Variants in IL1RAPL2 observed in about 807,000 individuals in gnomAD.
The protein encoded by IL1RAPL2 is X-linked interleukin-1 receptor accessory protein-like 2.
Under a neutral mutation model 44.1 loss-of-function variants are expected in IL1RAPL2, and 3 were observed. That is an observed-to-expected ratio of 0.07 (90% CI 0.03 to 0.18). The LOEUF is 0.18. Ranked by LOEUF, IL1RAPL2 falls within the 10% of genes least tolerant of loss-of-function variation. The pLI, the probability that IL1RAPL2 is intolerant of heterozygous loss-of-function variation, is 1.00. For missense variants in IL1RAPL2, 391 were observed against 496.4 expected, an observed-to-expected ratio of 0.79 and a Z score of 2.02; for synonymous variants, 181 against 178.8, an observed-to-expected ratio of 1.01 and a Z score of -0.10.
chrX:105,142,896 C>G (rs138902175), intron 2 of IL1RAPL2, among the ~76,000 whole-genome samples: 1 of 109,831 alleles, frequency 9.1e-6, no homozygotes, highest in Non-Finnish European at 1.9e-5. Flanking sequence ...TTTGTCCTTG[C>G]GATAGTTTGC....
intron 2 of IL1RAPL2, among the ~76,000 whole-genome samples, chrX:105,194,635 A>C (rs2033659279): frequency 9.0e-6 from 1 of 111,531 alleles, no homozygotes; most frequent in Non-Finnish European, 1.9e-5. Flanking sequence ...TCGGCAGCTA[A>C]GCAGAAAGGG....
intron 2 of IL1RAPL2, among the ~76,000 whole-genome samples, chrX:104,895,221 A>G (rs1210256255): frequency 9.0e-6 from 1 of 111,693 alleles, no homozygotes; most frequent in Non-Finnish European, 1.9e-5. Flanking sequence ...CAGTTAGACT[A>G]CTCGGGGGTC....
intron 2 of IL1RAPL2, among the ~76,000 whole-genome samples, chrX:104,944,441 C>T (rs1193765852): frequency 2.7e-5 from 3 of 111,958 alleles, no homozygotes; most frequent in African/African-American, 9.7e-5. Flanking sequence ...AGATCTTTTA[C>T]AGCCTAGCAA....
chrX:104,634,575 A>T (rs953233996), intron 1 of IL1RAPL2, among the ~76,000 whole-genome samples: 3 of 111,988 alleles, frequency 2.7e-5, no homozygotes. Context: ...TTCTTGTTGA[A>T]TTGATCCCTT....
At chrX:105,601,911 A>G (rs1201293935) in intron 6 of IL1RAPL2, among the ~76,000 whole-genome samples, 2 of 110,814 alleles carry the variant, frequency 1.8e-5, no homozygotes, top group East Asian at 2.9e-4. Flanking sequence ...AGCATCCTAT[A>G]CCCCAAGTAG....
At chrX:105,566,941 G>A (rs924829375) in intron 6 of IL1RAPL2, among the ~76,000 whole-genome samples, 1 of 110,719 alleles carries the variant, frequency 9.0e-6, no homozygotes, top group African/African-American at 3.3e-5. Flanking sequence ...CTTTTGTTCT[G>A]CCCCAGATAT....
At chrX:104,573,919 A>T (rs755417607) in intron 1 of IL1RAPL2, among the ~76,000 whole-genome samples, 13 of 111,610 alleles carry the variant, frequency 1.2e-4, no homozygotes, top group Admixed American at 1.9e-4. Flanking sequence ...TTGAGGGGAA[A>T]TTTAATAAAG....
At chrX:105,283,432 G>A (rs1314915852) in intron 5 of IL1RAPL2, among the ~76,000 whole-genome samples, 1 of 111,203 alleles carries the variant, frequency 9.0e-6, no homozygotes, top group East Asian at 2.8e-4. Context: ...AGAGGGAACA[G>A]CATGTGTCAG....
intron 2 of IL1RAPL2, among the ~76,000 whole-genome samples, chrX:105,168,111 A>G (rs768140624): frequency 8.0e-5 from 9 of 112,100 alleles, no homozygotes; most frequent in Non-Finnish European, 1.5e-4. Context: ...ATTATGTCAG[A>G]GATCGGCTAC....
At chrX:104,643,549 A>G (rs2148016910) in intron 1 of IL1RAPL2, among the ~76,000 whole-genome samples, 1 of 111,462 alleles carries the variant, frequency 9.0e-6, no homozygotes, top group Non-Finnish European at 1.9e-5. Context: ...GAAGTTTTAA[A>G]GGGGAAAATA....
chrX:104,782,205 T>C (rs901865716), intron 2 of IL1RAPL2, among the ~76,000 whole-genome samples: 20 of 111,495 alleles, frequency 1.8e-4, no homozygotes, highest in African/African-American at 6.5e-5. Flanking sequence ...CTTCTATTAC[T>C]AAAAGGAAGG....
At chrX:104,668,881 C>T (rs1844770329) in intron 2 of IL1RAPL2, among the ~76,000 whole-genome samples, 1 of 110,593 alleles carries the variant, frequency 9.0e-6, no homozygotes, top group Non-Finnish European at 1.9e-5. Flanking sequence ...ATTTACTAAG[C>T]ACCACCCCCA....
chrX:105,143,528 A>C (rs371536736), intron 2 of IL1RAPL2, among the ~76,000 whole-genome samples: 3 of 111,897 alleles, frequency 2.7e-5, no homozygotes, highest in African/African-American at 9.8e-5. Context: ...ATTGTGGAAG[A>C]CAGTGTGGCG....
At chrX:104,865,179 G>A (rs775086403) in intron 2 of IL1RAPL2, among the ~76,000 whole-genome samples, 5 of 111,488 alleles carry the variant, frequency 4.5e-5, no homozygotes, top group Non-Finnish European at 7.5e-5. Flanking sequence ...AAACAATATC[G>A]CATCCCTGGA....
intron 2 of IL1RAPL2, among the ~76,000 whole-genome samples, chrX:104,735,776 G>T (rs1014197485): frequency 9.0e-6 from 1 of 111,328 alleles, no homozygotes; most frequent in South Asian, 3.8e-4. Flanking sequence ...CACTATCATT[G>T]TGTCAAACTA....
chrX:105,453,023 A>C (rs2036030045), intron 5 of IL1RAPL2, among the ~76,000 whole-genome samples: 2 of 112,577 alleles, frequency 1.8e-5, no homozygotes, highest in Admixed American at 9.4e-5. Context: ...TGACCATTGT[A>C]GAAAGTCTTT....
chrX:105,462,391 C>T (rs760313422), intron 5 of IL1RAPL2, among the ~76,000 whole-genome samples: 2 of 110,577 alleles, frequency 1.8e-5, no homozygotes, highest in South Asian at 3.8e-4. Context: ...AAAAATTTGC[C>T]GAAGCTATGG....
intron 4 of IL1RAPL2, among the ~76,000 whole-genome samples, chrX:105,245,329 A>C (rs922083412): frequency 1.6e-4 from 18 of 111,683 alleles, no homozygotes; most frequent in Non-Finnish European, 2.3e-4. Context: ...GCCTTTAAGG[A>C]CTATCATTCT....
intron 6 of IL1RAPL2, among the ~76,000 whole-genome samples, chrX:105,640,785 TATAGATATAGATAGAG>T (rs1289438099): frequency 1.1e-5 from 1 of 93,275 alleles, no homozygotes; most frequent in African/African-American, 4.2e-5. Context: ...TAGATATAGA[TATAGATATAGATAGAG>T]AGAGAGACCG....
Sources: allele counts gnomAD v4.1 joint callset (sites outside exome capture counted in the v4.1 genomes callset), GRCh38; gene constraint gnomAD v4.1.1; transcripts MANE v1.5; gene names NCBI Gene and HGNC (gene_info 2026-07-23, HGNC 2026-07-21).